RARB: variants seen among roughly 807,000 people sequenced by gnomAD.
RARB encodes retinoic acid receptor beta, also known as HBV-activated protein.
A neutral mutation model predicts 51.9 loss-of-function variants in RARB; 17 were observed. That is an observed-to-expected ratio of 0.33 (90% CI 0.22 to 0.49). The LOEUF is 0.49. Ranked by LOEUF, RARB falls within the 20% of genes least tolerant of loss-of-function variation. The pLI is 0.99. For synonymous variants in RARB, 215 were observed against 195.4 expected (o/e 1.10, Z -0.84); for missense variants, 369 against 550.8 (o/e 0.67, Z 3.30).
intron 2 of RARB, among the ~76,000 whole-genome samples, chr3:25,033,283 T>C (rs1204352501): frequency 1.3e-5 from 2 of 152,162 alleles, no homozygotes; most frequent in African/African-American, 4.8e-5. Flanking sequence ...ACAATTAAAG[T>C]AGGGGTCACT....
intron 2 of RARB, among the ~76,000 whole-genome samples, chr3:25,492,117 A>C (rs1343839636): frequency 6.6e-6 from 1 of 152,162 alleles, no homozygotes; most frequent in African/African-American, 2.4e-5. Flanking sequence ...TACTTGCCTT[A>C]TGAAACTTGC....
intron 5 of RARB, among the ~76,000 whole-genome samples, chr3:25,583,287 G>T (rs113764870): frequency 0.021 from 3,155 of 152,336 alleles, 47 homozygotes; most frequent in Non-Finnish European, 0.035. Context: ...CTGTTTAGAA[G>T]AATCTTCTTA....
intron 5 of RARB, among the ~76,000 whole-genome samples, chr3:25,584,283 C>G (rs1701296331): frequency 6.6e-6 from 1 of 152,122 alleles, no homozygotes; most frequent in South Asian, 2.1e-4. Context: ...CCTCATGGAG[C>G]CGACCTTCTC....
chr3:25,366,044 A>G (rs1468863297), intron 5 of RARB, among the ~76,000 whole-genome samples: 1 of 152,334 alleles, frequency 6.6e-6, no homozygotes. Context: ...AGAGTGCAGG[A>G]CACATTTCTT....
At chr3:25,476,219 A>C (rs1235320986) in intron 2 of RARB, among the ~76,000 whole-genome samples, 2 of 152,166 alleles carry the variant, frequency 1.3e-5, no homozygotes, top group African/African-American at 2.4e-5. Context: ...TGTCTAGAAG[A>C]AGGAGAATGG....
chr3:24,888,573 C>A (rs1349426083), intron 2 of RARB, among the ~76,000 whole-genome samples: 1 of 151,502 alleles, frequency 6.6e-6, no homozygotes, highest in African/African-American at 2.4e-5. Context: ...ATTTAACACC[C>A]AAGCTTTTTT....
intron 3 of RARB, among the ~76,000 whole-genome samples, chr3:25,120,630 T>C (rs892440560): frequency 3.9e-5 from 6 of 151,970 alleles, no homozygotes; most frequent in African/African-American, 1.4e-4. Context: ...AGGTAAGTTA[T>C]ATATTGTTAA....
chr3:25,140,559 T>C (rs1246426687), intron 4 of RARB, among the ~76,000 whole-genome samples: 3 of 152,214 alleles, frequency 2.0e-5, no homozygotes, highest in Non-Finnish European at 4.4e-5. Flanking sequence ...TTTATTGAGA[T>C]GGAATATATT....
intron 2 of RARB, among the ~76,000 whole-genome samples, chr3:24,949,851 C>G (rs1695851940): frequency 6.6e-6 from 1 of 152,152 alleles, no homozygotes; most frequent in Non-Finnish European, 1.5e-5. Context: ...ACTTTTTCCT[C>G]CAATATCCGG....
intron 5 of RARB, among the ~76,000 whole-genome samples, chr3:25,212,640 C>A (rs1024360249): frequency 6.6e-6 from 1 of 152,100 alleles, no homozygotes; most frequent in African/African-American, 2.4e-5. Flanking sequence ...AAGTGAATCT[C>A]ATTAATTCTG....
At chr3:25,142,257 C>T (rs1044223157) in intron 4 of RARB, among the ~76,000 whole-genome samples, 2 of 152,150 alleles carry the variant, frequency 1.3e-5, no homozygotes, top group Non-Finnish European at 2.9e-5. Context: ...TCGCTTGAAC[C>T]TGGGAGGTGG....
At chr3:25,548,111 T>A (rs1180649290) in intron 3 of RARB, among the ~76,000 whole-genome samples, 1 of 151,418 alleles carries the variant, frequency 6.6e-6, no homozygotes, top group African/African-American at 2.4e-5. Context: ...CTTTTTTTTT[T>A]TTTTTTTTGA....
intron 3 of RARB, among the ~76,000 whole-genome samples, chr3:25,565,793 A>C (rs1428460853): frequency 1.3e-5 from 2 of 151,666 alleles, no homozygotes; most frequent in African/African-American, 2.4e-5. Flanking sequence ...TAACCCACAT[A>C]GGCCTTTACA....
At chr3:25,242,817 TAAAG>T (rs1179496680) in intron 5 of RARB, among the ~76,000 whole-genome samples, 3 of 152,200 alleles carry the variant, frequency 2.0e-5, no homozygotes, top group African/African-American at 7.2e-5. Flanking sequence ...ATATGAAATT[TAAAG>T]AAGTTTTTTC....
intron 2 of RARB, among the ~76,000 whole-genome samples, chr3:25,465,322 C>G (rs1035846867): frequency 2.0e-5 from 3 of 152,074 alleles, no homozygotes; most frequent in African/African-American, 7.2e-5. Flanking sequence ...TTTTAGGATA[C>G]CAGCAGATGC....
intron 5 of RARB, among the ~76,000 whole-genome samples, chr3:25,418,842 T>C (rs1351427310): frequency 1.3e-5 from 2 of 151,138 alleles, no homozygotes; most frequent in East Asian, 3.9e-4. Flanking sequence ...GTTAGGGTGA[T>C]AAGATAACAG....
rs1700992546 is a variant in RARB at position 25,186,928 on chromosome 3, T to TGTGTGA, written c.178+12358_178+12359insAGTGTG. ...GTGTGTGTGTGTGTGTGTGTGTGTG[T>TGTGTGA]GTGTGTGTGTGTTTTCCTGCTAAGT... On this transcript the variant is annotated intron_variant, in intron 5 of 11. Transcript: ENST00000383772. 2.6e-5 allele frequency among the ~76,000 whole-genome samples: 4 copies of TGTGTGA among 151,186 alleles called. No homozygotes were observed. The Admixed American group carries it at 2.7e-4, about 10-fold the overall frequency.
chr3:24,983,611 C>A (rs1018056087), intron 2 of RARB, among the ~76,000 whole-genome samples: 2 of 152,116 alleles, frequency 1.3e-5, no homozygotes, highest in East Asian at 3.9e-4. Flanking sequence ...TCAACCCCCA[C>A]TTATGAGTGA....
intron 3 of RARB, among the ~76,000 whole-genome samples, chr3:25,076,584 C>T (rs944455052): frequency 2.0e-5 from 3 of 152,070 alleles, no homozygotes; most frequent in Non-Finnish European, 2.9e-5. Flanking sequence ...AAAAAGTTTT[C>T]CCAATGTAGC....
Sources: allele counts gnomAD v4.1 joint callset (sites outside exome capture counted in the v4.1 genomes callset), GRCh38; gene constraint gnomAD v4.1.1; transcripts MANE v1.5; gene names NCBI Gene and HGNC (gene_info 2026-07-23, HGNC 2026-07-21).